Variants in FAM135B observed in about 807,000 individuals in gnomAD.
FAM135B encodes protein FAM135B.
A neutral mutation model predicts 127.7 loss-of-function variants in FAM135B; 43 were observed. The ratio of observed to expected loss-of-function variants is 0.34; its 90% CI spans 0.26 to 0.43. The LOEUF (loss-of-function observed/expected upper bound fraction) is 0.43, where lower values mean the gene tolerates loss of function less well. Ranked by LOEUF, FAM135B falls within the 20% of genes least tolerant of loss-of-function variation. The pLI, the probability that FAM135B is intolerant of heterozygous loss-of-function variation, is 1.00. For synonymous variants in FAM135B, 670 were observed against 665.1 expected (o/e 1.01, Z -0.11); for missense variants, 1,558 against 1,725.6 (o/e 0.90, Z 1.72).
intron 7 of FAM135B, among the ~76,000 whole-genome samples, chr8:138,218,489 T>A (rs1347811353): frequency 6.6e-6 from 1 of 152,202 alleles, no homozygotes; most frequent in Non-Finnish European, 1.5e-5. Context: ...TGAGCTCTAA[T>A]AATTTCCCTT....
At chr8:138,274,966 T>G (rs1823701418) in intron 3 of FAM135B, among the ~76,000 whole-genome samples, 1 of 151,764 alleles carries the variant, frequency 6.6e-6, no homozygotes, top group Admixed American at 6.6e-5. Context: ...TATTACAGGG[T>G]CCTGAGGCGA....
chr8:138,355,502 A>C (rs1454188181), intron 2 of FAM135B, among the ~76,000 whole-genome samples: 1 of 152,162 alleles, frequency 6.6e-6, no homozygotes, highest in Non-Finnish European at 1.5e-5. Flanking sequence ...TTAAGGAAGG[A>C]GAAAAAGGGG....
At chr8:138,400,220 C>T (rs1202331391) in intron 1 of FAM135B, among the ~76,000 whole-genome samples, 1 of 152,144 alleles carries the variant, frequency 6.6e-6, no homozygotes, top group Non-Finnish European at 1.5e-5. Flanking sequence ...GCCAGAGTCG[C>T]TCCTCAGATA....
In FAM135B at chr8:138,131,577, ACC is replaced by A. The variant is rs1816219563; in HGVS notation, c.*1014_*1015del. The A allele has an allele frequency of 6.6e-6, 1 of 152,498 alleles. No homozygotes were observed. Among genetic ancestry groups the A allele is most frequent in the African/African-American group, 2.4e-5 (1 of 41,394 alleles). 9.4% of individuals were successfully genotyped at this position (152,498 alleles called of 1,614,324 possible). ...ACATTTCTATTGAAAGATAGCCAGC[ACC>A]CTTCTTAGAGCTCCCCTGAGGTTTT... On this transcript the variant is annotated 3_prime_UTR_variant, in exon 20 of 20. Transcript: ENST00000395297.
intron 12 of FAM135B, among the ~76,000 whole-genome samples, chr8:138,164,819 C>G (rs768760514): frequency 5.3e-5 from 8 of 152,226 alleles, no homozygotes; most frequent in African/African-American, 1.7e-4. Flanking sequence ...GGCTGTGTCA[C>G]GGGTGCATGT....
intron 1 of FAM135B, among the ~76,000 whole-genome samples, chr8:138,371,755 C>T (rs140429094): frequency 3.3e-5 from 5 of 152,266 alleles, no homozygotes; most frequent in Admixed American, 6.5e-5. Flanking sequence ...CGAAATACAC[C>T]GGCACCATGT....
chr8:138,291,288 T>C (rs1825091562), intron 3 of FAM135B, among the ~76,000 whole-genome samples: 1 of 152,124 alleles, frequency 6.6e-6, no homozygotes, highest in South Asian at 2.1e-4. Context: ...GGCATTTGAC[T>C]AATGGAAGAT....
intron 3 of FAM135B, among the ~76,000 whole-genome samples, chr8:138,266,228 A>G (rs1822911580): frequency 6.6e-6 from 1 of 152,068 alleles, no homozygotes; most frequent in South Asian, 2.1e-4. Flanking sequence ...AAAGACAGAA[A>G]ACACCCTTCC....
chr8:138,322,872 C>T (rs1373306142), intron 2 of FAM135B, among the ~76,000 whole-genome samples: 1 of 152,158 alleles, frequency 6.6e-6, no homozygotes, highest in Non-Finnish European at 1.5e-5. Flanking sequence ...TGAAACTCCG[C>T]CCTAGCAGGA....
intron 6 of FAM135B, among the ~76,000 whole-genome samples, chr8:138,246,095 A>C (rs1375380490): frequency 6.6e-6 from 1 of 152,212 alleles, no homozygotes; most frequent in Non-Finnish European, 1.5e-5. Context: ...TGGTGGAAGA[A>C]ATTTCTAAGC....
At chr8:138,135,102 A>G (rs1045742204) in intron 19 of FAM135B, among the ~76,000 whole-genome samples, 6 of 152,244 alleles carry the variant, frequency 3.9e-5, no homozygotes, top group African/African-American at 1.4e-4. Flanking sequence ...AGCCATATAC[A>G]ATATGTAAAT....
chr8:138,227,731 T>C (rs1248087271), intron 7 of FAM135B, among the ~76,000 whole-genome samples: 1 of 147,734 alleles, frequency 6.8e-6, no homozygotes, highest in Admixed American at 6.7e-5. Context: ...TTTTTTTTTT[T>C]TTTTTTTGGT....
intron 9 of FAM135B, among the ~76,000 whole-genome samples, chr8:138,185,019 T>TG (rs1255930428): frequency 6.6e-6 from 1 of 152,192 alleles, no homozygotes; most frequent in African/African-American, 2.4e-5. Flanking sequence ...TGGGCTGCCC[T>TG]GGGCAGGCTC....
intron 3 of FAM135B, among the ~76,000 whole-genome samples, chr8:138,300,072 A>G (rs147147154): frequency 0.018 from 2,683 of 152,024 alleles, 80 homozygotes; most frequent in African/African-American, 0.062. Flanking sequence ...GGTTCAAGTG[A>G]TTCTTGTGCT....
At position 138,321,952 on chromosome 8, in the gene FAM135B, A is replaced by G. The variant is rs180782186; in HGVS notation, c.78-11032T>C. Among the ~76,000 whole-genome samples, 34 of 152,278 alleles carry G rather than the reference A, an allele frequency of 2.2e-4. No homozygotes were observed. The East Asian group carries it at 4.8e-3, about 22-fold the overall frequency. On this transcript the variant is annotated intron_variant, in intron 2 of 19. Coordinates refer to ENST00000395297, the MANE Select transcript of FAM135B (RefSeq NM_015912.4). ...CTGCACATGCTGTGACTGCCAGCAA[A>G]GGTCACTGGAAAGTGTGAGCATGAC... is the stretch of plus-strand genomic sequence containing the variant.
At chr8:138,225,100 A>T (rs1191130705) in intron 7 of FAM135B, among the ~76,000 whole-genome samples, 2 of 152,232 alleles carry the variant, frequency 1.3e-5, no homozygotes, top group African/African-American at 4.8e-5. Context: ...TTCTTACCAC[A>T]AAGTAAAGGA....
chr8:138,281,995 C>A (rs190566371), intron 3 of FAM135B, among the ~76,000 whole-genome samples: 1 of 152,082 alleles, frequency 6.6e-6, no homozygotes, highest in Non-Finnish European at 1.5e-5. Flanking sequence ...CTTTTCCAAC[C>A]GTAATGTAAG....
intron 13 of FAM135B, among the ~76,000 whole-genome samples, chr8:138,150,190 T>C (rs192407876): frequency 9.8e-4 from 149 of 152,260 alleles, no homozygotes; most frequent in African/African-American, 3.4e-3. Context: ...AATACAAGGA[T>C]GAGGAAATGA....
intron 3 of FAM135B, among the ~76,000 whole-genome samples, chr8:138,276,139 A>T (rs898526152): frequency 3.3e-5 from 5 of 152,156 alleles, no homozygotes; most frequent in Non-Finnish European, 7.4e-5. Flanking sequence ...CCAAGGCCCC[A>T]CCTTCAAATC....
Sources: allele counts gnomAD v4.1 joint callset (sites outside exome capture counted in the v4.1 genomes callset), GRCh38; gene constraint gnomAD v4.1.1; transcripts MANE v1.5; gene names NCBI Gene and HGNC (gene_info 2026-07-23, HGNC 2026-07-21).